The following GTPBP4 variants were observed in gnomAD, a reference collection of about 807,000 sequenced individuals.
The protein encoded by GTPBP4 is GTP-binding protein 4.
GTPBP4 carries 15 observed loss-of-function variants against 81.7 expected under a neutral mutation model. The ratio of observed to expected loss-of-function variants is 0.18; its 90% confidence interval spans 0.12 to 0.28. GTPBP4 has a LOEUF of 0.28. Among genes scored for constraint, GTPBP4 ranks in the 10% least tolerant of loss-of-function variants. GTPBP4 has a pLI of 1.00. For synonymous variants in GTPBP4, 272 were observed against 274.6 expected (o/e 0.99, Z 0.09); for missense variants, 847 against 793.8 (o/e 1.07, Z -0.81).
At chr10:1,001,339 G>T (rs1730561299) in intron 8 of GTPBP4, among the ~76,000 whole-genome samples, 1 of 152,184 alleles carries the variant, frequency 6.6e-6, no homozygotes, top group African/African-American at 2.4e-5. Context: ...CATAAAACAG[G>T]TTCTGTGATT....
At chr10:992,979 G>C (rs778180235) in intron 2 of GTPBP4, among the ~76,000 whole-genome samples, 1 of 152,160 alleles carries the variant, frequency 6.6e-6, no homozygotes, top group Non-Finnish European at 1.5e-5. Flanking sequence ...TGTGGGTTAT[G>C]AACACAGAAG....
chr10:1,002,226 A>G (rs953595556), intron 8 of GTPBP4, among the ~76,000 whole-genome samples: 1 of 152,166 alleles, frequency 6.6e-6, no homozygotes, highest in African/African-American at 2.4e-5. Context: ...CCTGGCCTAC[A>G]GTGCACTTTA....
chr10:992,903 C>T (rs1424086544), intron 2 of GTPBP4, among the ~76,000 whole-genome samples: 1 of 152,230 alleles, frequency 6.6e-6, no homozygotes, highest in Non-Finnish European at 1.5e-5. Flanking sequence ...AGGCCCCAAG[C>T]TGTCTTCTCA....
intron 10 of GTPBP4, 31 bp downstream of exon 10, chr10:1,007,159 C>CACAGCACCTGCTG: frequency 6.6e-6 from 8 of 1,203,332 alleles, no homozygotes; most frequent in East Asian, 2.3e-5. Context: ...GCCGTGGGCT[C>CACAGCACCTGCTG]ACAGTACTGT....
chr10:1,007,796 T>A (rs1831772056), intron 10 of GTPBP4: 1 of 461,122 alleles, frequency 2.2e-6, no homozygotes, highest in Non-Finnish European at 4.3e-6. Flanking sequence ...GGGCACTGAC[T>A]GTCAGTCTTG....
chr10:989,916 CAGT>C (rs1369049634), intron 1 of GTPBP4, among the ~76,000 whole-genome samples: 4 of 151,974 alleles, frequency 2.6e-5, no homozygotes, highest in Admixed American at 6.6e-5. Context: ...TTTGTATTTT[CAGT>C]AGAAGTGGAG....
chr10:1,008,258 C>T (rs754885890), intron 10 of GTPBP4: 41 of 408,386 alleles, frequency 1.0e-4, no homozygotes, highest in Non-Finnish European at 1.3e-4. Context: ...GCTAAAACTA[C>T]GAAAATTAGT....
intron 10 of GTPBP4, among the ~76,000 whole-genome samples, chr10:1,007,546 G>A (rs1174039540): frequency 1.3e-5 from 2 of 152,082 alleles, no homozygotes; most frequent in African/African-American, 4.8e-5. Flanking sequence ...ACCAGCCTGG[G>A]CAACATAGTG....
At chr10:994,483 C>G (rs1168082131) in intron 2 of GTPBP4, among the ~76,000 whole-genome samples, 2 of 151,986 alleles carry the variant, frequency 1.3e-5, no homozygotes, top group East Asian at 1.9e-4. Flanking sequence ...GTTGGCCAGG[C>G]TGGTCTCGAA....
rs1831801982 is a variant in GTPBP4 at position 1,008,985 on chromosome 10, G to A, written c.1141G>A (p.Val381Met). 6.2e-7 allele frequency: 1 copy of A among 1,612,884 alleles called. No individual in the cohort carries two copies. The highest frequency in any genetic ancestry group is 1.1e-5 in the South Asian group (1 of 91,048). ...KERPPFIPEG[V>M]VARRKRMETE... ...GAGGCCCCCTTTCATCCCTGAAGGA[G>A]TGGTGGCTCGCAGGAAGAGGATGGA... Residue 381 changes from valine (V) to methionine (M), a missense_variant, in exon 11 of 17, where the codon GTG becomes ATG. Physicochemically the swap from Val to Met is conservative, Grantham distance 21. Around this residue, in one of 3 missense-constraint regions of GTPBP4, gnomAD observed 600 missense variants for 557.1 expected, o/e 1.08. Transcript: ENST00000360803.
At chr10:991,689 C>CTTTTTTTT (rs778451253) in intron 1 of GTPBP4, among the ~76,000 whole-genome samples, 2 of 74,822 alleles carry the variant, frequency 2.7e-5, no homozygotes, top group Non-Finnish European at 4.8e-5. Context: ...TAAAATTTAT[C>CTTTTTTTT]TTTTTTTTTT....
chr10:999,072 G>T lies in GTPBP4; in HGVS notation c.631G>T (p.Asp211Tyr). The change falls in exon 6 of 17, where the codon GAT (aspartate) becomes TAT (tyrosine). Residue 211 changes from aspartate (D) to tyrosine (Y), a missense_variant. Physicochemically the swap from Asp to Tyr is radical, Grantham distance 160. Coordinates refer to ENST00000360803, the MANE Select transcript of GTPBP4 (RefSeq NM_012341.3). ...TTKSLFVGHM[D>Y]YKYLRWQVVD... ...CAAGTCTCTGTTTGTTGGGCACATG[G>T]ATTATAAGTATCTACGTTGGCAGGT... The T allele has an allele frequency of 6.3e-7, 1 of 1,592,802 alleles. No individual in the cohort carries two copies.
chr10:997,346 T>G, intron 5 of GTPBP4, 38 bp downstream of exon 5: 1 of 1,085,016 alleles, frequency 9.2e-7, no homozygotes, highest in Non-Finnish European at 1.4e-6. Context: ...ATCATCTGAC[T>G]ATTTTACGTC....
At chr10:1,016,724 G>A (rs990148895) in intron 16 of GTPBP4, among the ~76,000 whole-genome samples, 2 of 152,232 alleles carry the variant, frequency 1.3e-5, no homozygotes, top group African/African-American at 4.8e-5. Context: ...TTTTCATCCA[G>A]TCTTTATACA....
chr10:1,016,206 A>G (rs1831989754), intron 16 of GTPBP4, among the ~76,000 whole-genome samples: 1 of 113,520 alleles, frequency 8.8e-6, no homozygotes, highest in Admixed American at 9.0e-5. Context: ...GGAAGTGGCC[A>G]CAGCTGAGCA....
chr10:1,019,687 G>T lies in GTPBP4; in HGVS notation c.*2460G>T. 6.2e-7 allele frequency: 1 copy of T among 1,614,048 alleles called. No homozygotes were observed. Among genetic ancestry groups the T allele is most frequent in the Non-Finnish European group, 8.5e-7 (1 of 1,180,022 alleles). ...CACAGCTCCTCCTGGGACAGGTAGA[G>T]GATGCTTTTCGTTTCACTGGGATCC... is the stretch of plus-strand genomic sequence containing the variant. On this transcript the variant is annotated 3_prime_UTR_variant, in exon 17 of 17. Transcript: ENST00000360803.
intron 2 of GTPBP4, among the ~76,000 whole-genome samples, chr10:993,729 C>G (rs1831489825): frequency 6.6e-6 from 1 of 152,082 alleles, no homozygotes; most frequent in Admixed American, 6.5e-5. Context: ...TCCCTGAAGG[C>G]AGGTGTAGGC....
chr10:1,011,120 T>A (rs1315651216), intron 13 of GTPBP4, among the ~76,000 whole-genome samples: 6 of 108,176 alleles, frequency 5.5e-5, no homozygotes, highest in Non-Finnish European at 1.2e-4. Context: ...ACCCCGAGAC[T>A]CTGGTGGAGA....
chr10:997,617 C>T (rs142040628), intron 5 of GTPBP4, among the ~76,000 whole-genome samples: 20 of 152,292 alleles, frequency 1.3e-4, no homozygotes, highest in Non-Finnish European at 2.5e-4. Context: ...TTGTGTGTGT[C>T]CTATAATTTC....
Sources: gnomAD v4.1 joint callset for allele counts (sites outside exome capture counted in the v4.1 genomes callset) on GRCh38, gnomAD v4.1.1 for gene constraint, gnomAD v4.1.1 regional missense constraint, MANE v1.5 for transcripts, NCBI Gene and HGNC (gene_info 2026-07-23, HGNC 2026-07-21) for gene names.